The following GRK4 variants were observed in gnomAD, a reference collection of about 807,000 sequenced individuals.
The protein encoded by GRK4 is G protein-coupled receptor kinase 4.
In GRK4, 73 loss-of-function variants were observed where a neutral mutation model predicts 77.9. That is an observed-to-expected ratio of 0.94 (90% CI 0.78 to 1.14). The LOEUF (loss-of-function observed/expected upper bound fraction) is 1.14. Among genes scored for constraint, GRK4 ranks in the 50% most tolerant of loss-of-function variants. GRK4 has a pLI of 0.00. For synonymous variants in GRK4, 257 were observed against 254.4 expected (o/e 1.01, Z -0.10); for missense variants, 729 against 700.2 (o/e 1.04, Z -0.46).
intron 1 of GRK4, among the ~76,000 whole-genome samples, chr4:2,969,557 G>T (rs999929462): frequency 1.3e-5 from 2 of 151,816 alleles, no homozygotes; most frequent in African/African-American, 4.8e-5. Flanking sequence ...TGTATTTTTA[G>T]TAAAGATGGG....
rs942048774 is a variant in GRK4 at position 2,965,239 on chromosome 4, C to G, written c.52+1117C>G. The G allele has an allele frequency of 1.0e-5, 7 of 702,822 alleles. No individual in the cohort carries two copies. In the East Asian group the frequency reaches 1.6e-4, roughly 16 times the overall value. 43.5% of individuals were successfully genotyped at this position (702,822 alleles called of 1,614,324 possible). A position where few individuals can be genotyped will look rare whatever the true frequency, so the allele number is the denominator to read the frequency against. On this transcript the variant is annotated intron_variant, in intron 1 of 15. Coordinates refer to ENST00000398052, the MANE Select transcript of GRK4 (RefSeq NM_182982.3). ...CCTGTTTTCACCCATGCTGGTCTCTCTAGTCCTCTGCATCCCGCCACAAAA... is the reference window on the plus strand; with the variant it reads ...CCTGTTTTCACCCATGCTGGTCTCTGTAGTCCTCTGCATCCCGCCACAAAA...
chr4:3,000,170 C>G (rs940087772), intron 4 of GRK4, among the ~76,000 whole-genome samples: 29 of 152,196 alleles, frequency 1.9e-4, no homozygotes, highest in Admixed American at 4.6e-4. Flanking sequence ...CCCCAGAAGT[C>G]TCAGTTCTGC....
intron 4 of GRK4, among the ~76,000 whole-genome samples, chr4:3,001,089 ATGTGTGTGTGTGTG>A (rs1490130793): frequency 5.6e-4 from 46 of 82,170 alleles, no homozygotes; most frequent in African/African-American, 1.2e-3. Flanking sequence ...ATATATATAT[ATGTGTGTGTGTGTG>A]TGTATATATA....
chr4:3,019,620 T>C (rs1331660841), intron 8 of GRK4, 21 bp from the exon 9 acceptor site: 1 of 1,579,896 alleles, frequency 6.3e-7, no homozygotes, highest in Non-Finnish European at 8.6e-7. Flanking sequence ...TGTTCTGTTT[T>C]TATGATGTTG....
chr4:3,018,074 C>CTTTTTTTTTTTT, intron 8 of GRK4, among the ~76,000 whole-genome samples: 1 of 131,764 alleles, frequency 7.6e-6, no homozygotes. Flanking sequence ...TTTTCTTTTT[C>CTTTTTTTTTTTT]TTTTTTTTTT....
At chr4:3,025,682 C>T (rs35492582) in intron 10 of GRK4, among the ~76,000 whole-genome samples, 2,532 of 152,090 alleles carry the variant, frequency 0.017, 64 homozygotes, top group African/African-American at 0.058. Context: ...TTGAGCACCG[C>T]GCCCGGCCAG....
At chr4:3,039,043 C>T (rs920476372) in intron 15 of GRK4, among the ~76,000 whole-genome samples, 3 of 151,988 alleles carry the variant, frequency 2.0e-5, no homozygotes, top group Non-Finnish European at 4.4e-5. Flanking sequence ...TGGCAAAACC[C>T]CAATTCTACT....
Position 3,004,323 on chromosome 4 carries a change from G to A in GRK4, c.432G>A (p.Glu144=), listed in dbSNP as rs763639434. ...KEENPSKKAF[E]ECTRVAHNYL... is the part of the protein sequence containing the mutation. ...AGAACCCTTCCAAAAAAGCCTTTGAGGAATGTACTAGGTAAGTGGTTCATG... is the reference window on the plus strand; with the variant it reads ...AGAACCCTTCCAAAAAAGCCTTTGAAGAATGTACTAGGTAAGTGGTTCATG... Residue 144 remains glutamate (E), a synonymous_variant, in exon 5 of 16, where the codon GAG becomes GAA. Coordinates refer to ENST00000398052, the MANE Select transcript of GRK4 (RefSeq NM_182982.3). The A allele has an allele frequency of 1.0e-5, 16 of 1,600,080 alleles. No homozygotes were observed. The highest frequency in any genetic ancestry group is 5.4e-5 in the African/African-American group (4 of 74,558).
intron 2 of GRK4, among the ~76,000 whole-genome samples, chr4:2,985,298 G>A (rs1267840407): frequency 6.6e-6 from 1 of 151,720 alleles, no homozygotes; most frequent in Non-Finnish European, 1.5e-5. Context: ...CTGCTTGGGA[G>A]GCTGAGGCAG....
intron 13 of GRK4, among the ~76,000 whole-genome samples, chr4:3,036,477 G>C (rs1740671369): frequency 6.6e-6 from 1 of 152,252 alleles, no homozygotes; most frequent in Non-Finnish European, 1.5e-5. Flanking sequence ...TAGTGCACAA[G>C]TCCTGGGTGA....
intron 5 of GRK4, among the ~76,000 whole-genome samples, chr4:3,005,748 G>T (rs73084109): frequency 0.043 from 6,595 of 152,110 alleles, 212 homozygotes; most frequent in African/African-American, 0.085. Context: ...AGGCTGCAAT[G>T]AGCCTCCCCT....
chr4:2,988,346 G>C (rs1267385910), intron 2 of GRK4, among the ~76,000 whole-genome samples: 1 of 151,930 alleles, frequency 6.6e-6, no homozygotes, highest in South Asian at 2.1e-4. Flanking sequence ...TGTGCTTATG[G>C]GTCATTTGTA....
At chr4:2,965,890 G>C in intron 1 of GRK4, 1 of 195,252 alleles carries the variant, frequency 5.1e-6, no homozygotes, top group Non-Finnish European at 1.1e-5. Context: ...CTCCAAATAG[G>C]TCATGGAAAA....
chr4:3,011,072 A>T (rs551737544), intron 7 of GRK4, among the ~76,000 whole-genome samples: 5 of 152,304 alleles, frequency 3.3e-5, no homozygotes, highest in African/African-American at 1.2e-4. Flanking sequence ...TAGAACAGGA[A>T]AGTCATTTTC....
At chr4:2,972,013 G>A (rs1719697506) in intron 1 of GRK4, among the ~76,000 whole-genome samples, 1 of 152,170 alleles carries the variant, frequency 6.6e-6, no homozygotes, top group Non-Finnish European at 1.5e-5. Flanking sequence ...AGGGTTAGGG[G>A]CTAACTGGGG....
At chr4:2,965,597 T>C in intron 1 of GRK4, 1 of 633,662 alleles carries the variant, frequency 1.6e-6, no homozygotes, top group Non-Finnish European at 2.9e-6. Flanking sequence ...TAGTCCCAGC[T>C]ACTCTGGAAG....
At chr4:3,005,044 A>G (rs1402883975) in intron 5 of GRK4, among the ~76,000 whole-genome samples, 2 of 151,876 alleles carry the variant, frequency 1.3e-5, no homozygotes, top group Non-Finnish European at 2.9e-5. Flanking sequence ...GCTTGTGTCT[A>G]GGACAAAAAG....
rs1282777455 is a variant in GRK4, at chr4:2,988,835, CAGTGG to C, written c.258_261+1del. ...AAGAGGCACATTGAATTCTTGGATG[CAGTGG>C]TGAGCAGTTTATCTCCATATTGAGC... On this transcript the variant is annotated splice_donor_variant and coding_sequence_variant, in exon 3 of 16. Transcript: ENST00000398052. LOFTEE classifies it high-confidence loss of function. The C allele has an allele frequency of 6.4e-7, 1 of 1,564,924 alleles. No individual in the cohort carries two copies. The highest frequency in any genetic ancestry group is 1.4e-5 in the African/African-American group (1 of 73,882).
chr4:2,973,927 A>G (rs1720354553), intron 1 of GRK4, among the ~76,000 whole-genome samples: 1 of 152,146 alleles, frequency 6.6e-6, no homozygotes, highest in South Asian at 2.1e-4. Context: ...CTCTGCCTCC[A>G]CACGGTTTCC....
Sources: allele counts gnomAD v4.1 joint callset (sites outside exome capture counted in the v4.1 genomes callset), GRCh38; gene constraint gnomAD v4.1.1; transcripts MANE v1.5; gene names NCBI Gene and HGNC (gene_info 2026-07-23, HGNC 2026-07-21).